PDE1C: variants seen among roughly 807,000 people sequenced by gnomAD.
The protein encoded by PDE1C is phosphodiesterase 1C, also known as dual specificity calcium/calmodulin-dependent 3',5'-cyclic nucleotide phosphodiesterase 1C.
In PDE1C, 62 loss-of-function variants were observed where a neutral mutation model predicts 93.1. That is an observed-to-expected ratio of 0.67 (90% CI 0.54 to 0.82). The LOEUF is 0.82. PDE1C is among the 40% of genes least tolerant of loss of function. The pLI is 0.00. For synonymous variants in PDE1C, 325 were observed against 310.1 expected (o/e 1.05, Z -0.50); for missense variants, 742 against 884.6 (o/e 0.84, Z 2.04).
At chr7:32,019,483 GA>G (rs1035262001) in intron 2 of PDE1C, among the ~76,000 whole-genome samples, 3 of 152,142 alleles carry the variant, frequency 2.0e-5, no homozygotes, top group African/African-American at 7.2e-5. Context: ...ACTTTAGTTT[GA>G]AAACAATGCA....
At chr7:32,192,430 A>C (rs749661108) in intron 2 of PDE1C, among the ~76,000 whole-genome samples, 1 of 152,184 alleles carries the variant, frequency 6.6e-6, no homozygotes, top group South Asian at 2.1e-4. Flanking sequence ...ACTGAAGCAC[A>C]GTTTGTTGAA....
chr7:32,175,323 T>C (rs1298221061), intron 2 of PDE1C, among the ~76,000 whole-genome samples: 1 of 152,234 alleles, frequency 6.6e-6, no homozygotes, highest in African/African-American at 2.4e-5. Context: ...CCAATGCATA[T>C]AAAAATTATG....
At chr7:31,651,305 G>GC in the PDE1C span, 2 of 1,605,028 alleles carry the variant, frequency 1.2e-6, no homozygotes, top group African/African-American at 2.7e-5. Flanking sequence ...GTAAGTACCA[G>GC]CCCACACACC....
intron 2 of PDE1C, among the ~76,000 whole-genome samples, chr7:31,886,199 G>C (rs911888011): frequency 1.3e-5 from 2 of 152,072 alleles, no homozygotes; most frequent in Non-Finnish European, 2.9e-5. Flanking sequence ...CCATGTATTC[G>C]AACAGCATAC....
chr7:32,307,200 G>A (rs190919828), intron 1 of PDE1C, among the ~76,000 whole-genome samples: 6 of 151,952 alleles, frequency 3.9e-5, no homozygotes, highest in East Asian at 1.9e-4. Context: ...TGCTCATTAC[G>A]AAGCCCAATA....
chr7:32,054,290 G>A (rs1044682757), intron 1 of PDE1C, among the ~76,000 whole-genome samples: 1 of 152,110 alleles, frequency 6.6e-6, no homozygotes, highest in Non-Finnish European at 1.5e-5. Flanking sequence ...GATAGACCTG[G>A]CTCAAAACCT....
chr7:32,406,447 A>G (rs1345515791), intron 1 of PDE1C, among the ~76,000 whole-genome samples: 2 of 152,186 alleles, frequency 1.3e-5, no homozygotes, highest in East Asian at 3.9e-4. Context: ...CGAGGGAGGA[A>G]AAAAATGCTA....
chr7:32,420,873 C>T (rs942756038), intron 1 of PDE1C, among the ~76,000 whole-genome samples: 1 of 152,004 alleles, frequency 6.6e-6, no homozygotes, highest in Non-Finnish European at 1.5e-5. Flanking sequence ...TGTGAGAGTC[C>T]GTTTTCCTGA....
At chr7:32,023,984 AC>A (rs1465410179) in intron 2 of PDE1C, among the ~76,000 whole-genome samples, 1 of 152,104 alleles carries the variant, frequency 6.6e-6, no homozygotes, top group Non-Finnish European at 1.5e-5. Flanking sequence ...TAAGATGTGA[AC>A]CCTGAGGGAG....
At chr7:31,633,288 C>A in the PDE1C span, among the ~76,000 whole-genome samples, 3 of 152,182 alleles carry the variant, frequency 2.0e-5, no homozygotes, top group African/African-American at 7.2e-5. Context: ...AGGAGCAGAG[C>A]TATGACCGAC....
At chr7:31,687,987 T>A in the PDE1C span, among the ~76,000 whole-genome samples, 2 of 152,238 alleles carry the variant, frequency 1.3e-5, no homozygotes, top group African/African-American at 2.4e-5. Flanking sequence ...GGTTGGTTTT[T>A]GTCTTGAACT....
intron 2 of PDE1C, among the ~76,000 whole-genome samples, chr7:32,172,589 A>G (rs1802717458): frequency 6.6e-6 from 1 of 152,108 alleles, no homozygotes; most frequent in Admixed American, 6.5e-5. Context: ...TTGGGAGGCC[A>G]AGGCTGGTGG....
chr7:32,343,479 A>G (rs1185614057), intron 1 of PDE1C, among the ~76,000 whole-genome samples: 1 of 152,216 alleles, frequency 6.6e-6, no homozygotes, highest in Non-Finnish European at 1.5e-5. Flanking sequence ...CACAGGGAGA[A>G]TTAGAGTGTC....
chr7:31,774,147 A>G (rs989664515), intron 17 of PDE1C, among the ~76,000 whole-genome samples: 3 of 152,204 alleles, frequency 2.0e-5, no homozygotes, highest in African/African-American at 7.2e-5. Context: ...ACCAAGAAAA[A>G]AAAATGCTGC....
intron 2 of PDE1C, among the ~76,000 whole-genome samples, chr7:31,950,875 C>A (rs961524108): frequency 6.6e-6 from 1 of 152,066 alleles, no homozygotes; most frequent in East Asian, 1.9e-4. Flanking sequence ...CCTGAGTGTA[C>A]GATATGTTTG....
intron 14 of PDE1C, among the ~76,000 whole-genome samples, chr7:31,817,753 G>T (rs1788446838): frequency 6.6e-6 from 1 of 152,116 alleles, no homozygotes; most frequent in African/African-American, 2.4e-5. Context: ...TTAATCTAAT[G>T]GACACCAGAG....
intron 2 of PDE1C, among the ~76,000 whole-genome samples, chr7:31,883,657 T>A (rs1022737155): frequency 6.6e-6 from 1 of 152,328 alleles, no homozygotes; most frequent in African/African-American, 2.4e-5. Context: ...AGCACAGTAT[T>A]GAGAGAATCA....
At chr7:31,809,159 G>GT in intron 15 of PDE1C, 51 bp from the exon 16 acceptor site, 2 of 981,014 alleles carry the variant, frequency 2.0e-6, no homozygotes, top group Non-Finnish European at 3.3e-6. Context: ...TGAGGGGGTT[G>GT]TTATAAACAT....
chr7:31,917,134 C>T (rs554944737), intron 2 of PDE1C, among the ~76,000 whole-genome samples: 4 of 152,146 alleles, frequency 2.6e-5, no homozygotes, highest in South Asian at 4.1e-4. Flanking sequence ...GAGAGACACC[C>T]GCCTATAGGT....
Sources: allele counts gnomAD v4.1 joint callset (sites outside exome capture counted in the v4.1 genomes callset), GRCh38; gene constraint gnomAD v4.1.1; transcripts MANE v1.5; gene names NCBI Gene and HGNC (gene_info 2026-07-23, HGNC 2026-07-21).